MMP17: variants seen among roughly 807,000 people sequenced by gnomAD.
The protein encoded by MMP17 is matrix metalloproteinase-17.
MMP17 carries 54 observed loss-of-function variants against 49.1 expected under a neutral mutation model. That is an observed-to-expected ratio of 1.10 (90% CI 0.88 to 1.38). MMP17 has a LOEUF of 1.38. MMP17 is among the 40% of genes most tolerant of loss of function. The pLI is 0.00. For missense variants in MMP17, 837 were observed against 853.7 expected (o/e 0.98, Z 0.24); for synonymous variants, 397 against 383.1 (o/e 1.04, Z -0.42).
At chr12:131,850,813 G>A (rs539804003) in intron 9 of MMP17, 112 bp from the exon 10 acceptor site, 28 of 762,944 alleles carry the variant, frequency 3.7e-5, no homozygotes, top group Middle Eastern at 5.9e-4. Flanking sequence ...GGCCCGACTC[G>A]AGCCCCTTCC....
Position 131,828,664 on chromosome 12 carries a change from G to T in MMP17, c.159+11G>T. 1 of 386,514 alleles carries T rather than the reference G, an allele frequency of 2.6e-6. No individual in the cohort carries two copies. Among genetic ancestry groups the T allele is most frequent in the Non-Finnish European group, 3.8e-6 (1 of 264,046 alleles). 23.9% of individuals were successfully genotyped at this position (386,514 alleles called of 1,614,324 possible). The stretch of plus-strand genomic sequence containing the variant: ...CTCAGCCTGGGAGTGGTGAGCGCGC[G>T]GGCGGGACGGGCGCGGAGCTCCTGG... On this transcript the variant is annotated intron_variant, in intron 1 of 9. Coordinates refer to ENST00000360564, the MANE Select transcript of MMP17 (RefSeq NM_016155.7).
In MMP17 at chr12:131,851,554, G is replaced by A. The variant is rs113512489; in HGVS notation, c.*280G>A. 3,959 of 371,276 alleles carry A rather than the reference G, an allele frequency of 0.011. 128 individuals carry two copies. Among genetic ancestry groups the A allele is most frequent in the African/African-American group, 0.073 (3,519 of 48,236 alleles). 23.0% of individuals were successfully genotyped at this position (371,276 alleles called of 1,614,324 possible). A position where few individuals can be genotyped will look rare whatever the true frequency, so the allele number is the denominator to read the frequency against. ...GGCCGCACCGCCGCCAGCCTCCTCC[G>A]GCCCTGGAGGGAGCATCTCGGGCTG... On this transcript the variant is annotated 3_prime_UTR_variant, in exon 10 of 10. Coordinates refer to ENST00000360564, the MANE Select transcript of MMP17 (RefSeq NM_016155.7).
At chr12:131,833,064 G>A (rs1354215119) in intron 1 of MMP17, among the ~76,000 whole-genome samples, 1 of 152,238 alleles carries the variant, frequency 6.6e-6, no homozygotes, top group Non-Finnish European at 1.5e-5. Flanking sequence ...GCTGAGCTGA[G>A]GATACATGTC....
chr12:131,833,173 T>A (rs1174737783), intron 1 of MMP17, among the ~76,000 whole-genome samples: 1 of 152,250 alleles, frequency 6.6e-6, no homozygotes, highest in African/African-American at 2.4e-5. Flanking sequence ...GCACCTGCTT[T>A]GTGCCAGGCA....
Position 131,849,920 on chromosome 12 carries a change from C to T in MMP17, c.1323C>T (p.Asp441=), listed in dbSNP as rs905186004. The stretch of plus-strand genomic sequence containing the variant: ...CTGCCTTCTCCTGGGCCCACAATGA[C>T]AGGACTTATTTCTTTAAGGACCAGC... ...IDAAFSWAHN[D]RTYFFKDQLY... The change falls in exon 9 of 10, where the codon GAC becomes GAT. Residue 441 remains aspartate, a synonymous_variant. Coordinates refer to ENST00000360564, the MANE Select transcript of MMP17 (RefSeq NM_016155.7). The T allele has an allele frequency of 5.6e-6, 9 of 1,614,088 alleles. No individual in the cohort carries two copies. The South Asian group carries it at 9.9e-5, about 18-fold the overall frequency.
intron 1 of MMP17, among the ~76,000 whole-genome samples, chr12:131,835,161 A>G (rs576458303): frequency 6.6e-6 from 1 of 152,292 alleles, no homozygotes; most frequent in Non-Finnish European, 1.5e-5. Context: ...CAGCCCCCTG[A>G]GCACAAACTC....
At chr12:131,837,161 T>A (rs1887125035) in intron 1 of MMP17, among the ~76,000 whole-genome samples, 1 of 152,188 alleles carries the variant, frequency 6.6e-6, no homozygotes, top group African/African-American at 2.4e-5. Flanking sequence ...ATTTTCCACG[T>A]CCTGGCTCAC....
In MMP17 at chr12:131,843,302, G is replaced by A. The variant is rs1294610112; in HGVS notation, c.884-695G>A. 5.0e-5 allele frequency among the ~76,000 whole-genome samples: 7 copies of A among 140,608 alleles called. No individual in the cohort carries two copies. In the Admixed American group the frequency reaches 5.2e-4, roughly 10 times the overall value. The allele number at this position is 140,608 out of a possible 152,430, so 92.2% of individuals were successfully genotyped here. A position where few individuals can be genotyped will look rare whatever the true frequency, so the allele number is the denominator to read the frequency against. On this transcript the variant is annotated intron_variant, in intron 5 of 9. Coordinates refer to ENST00000360564, the MANE Select transcript of MMP17 (RefSeq NM_016155.7). ...TTTTTTTTTTTTTTTAGAGATGGGGGTCTCACTATGTGGCCCAGGCTTGTC... is the reference window on the plus strand; with the variant it reads ...TTTTTTTTTTTTTTTAGAGATGGGGATCTCACTATGTGGCCCAGGCTTGTC...
At position 131,851,210 on chromosome 12, in the gene MMP17, T is replaced by C. The variant is rs748010741; in HGVS notation, c.1748T>C (p.Leu583Pro). 19 of 1,454,250 alleles carry C rather than the reference T, an allele frequency of 1.3e-5. No homozygotes were observed. The highest frequency in any genetic ancestry group is 1.7e-5 in the Non-Finnish European group (19 of 1,101,176). 90.1% of individuals were successfully genotyped at this position (1,454,250 alleles called of 1,614,324 possible). A position where few individuals can be genotyped will look rare whatever the true frequency, so the allele number is the denominator to read the frequency against. The change falls in exon 10 of 10, where the codon CTG becomes CCG. Residue 583 changes from leucine (L) to proline (P), a missense_variant. By Grantham distance (98) the Leu-to-Pro change is moderately conservative (BLOSUM62 -3). Transcript: ENST00000360564. ...APGPLVAATMLLLLPPLSPGA... is the reference protein window; with the variant it reads ...APGPLVAATMPLLLPPLSPGA... ...GGCCCACTGGTGGCTGCCACCATGC[T>C]GCTGCTGCTGCCGCCACTGTCACCA...
intron 5 of MMP17, among the ~76,000 whole-genome samples, chr12:131,842,396 C>A (rs1887460365): frequency 6.6e-6 from 1 of 152,232 alleles, no homozygotes; most frequent in Non-Finnish European, 1.5e-5. Flanking sequence ...CCGGACCCTC[C>A]CGGCCTCAGC....
chr12:131,838,176 C>G lies in MMP17; in HGVS notation c.160-19C>G. 1 of 1,605,104 alleles carries G rather than the reference C, an allele frequency of 6.2e-7. No individual in the cohort carries two copies. Among genetic ancestry groups the G allele is most frequent in the South Asian group, 1.1e-5 (1 of 89,982 alleles). Reference sequence around the variant, plus strand: ...CCGGGCCCTCTGTTGCACCCCCTCACCCTGCTCTCTGCCCTCAGGAGTGGC... The same window carrying G: ...CCGGGCCCTCTGTTGCACCCCCTCAGCCTGCTCTCTGCCCTCAGGAGTGGC... On this transcript the variant is annotated intron_variant, in intron 1 of 9. Coordinates refer to ENST00000360564, the MANE Select transcript of MMP17 (RefSeq NM_016155.7).
intron 9 of MMP17, among the ~76,000 whole-genome samples, chr12:131,850,721 C>T (rs1887929130): frequency 6.6e-6 from 1 of 152,132 alleles, no homozygotes; most frequent in South Asian, 2.1e-4. Context: ...CTGGGCACCC[C>T]CTGCCATCTA....
In MMP17 at chr12:131,845,317, A is replaced by T. The variant is rs1887645281; in HGVS notation, c.1072A>T (p.Thr358Ser). The T allele has an allele frequency of 1.2e-6, 2 of 1,606,616 alleles. No homozygotes were observed. Among genetic ancestry groups the T allele is most frequent in the African/African-American group, 1.3e-5 (1 of 74,840 alleles). Residue 358 changes from threonine to serine, a missense_variant, in exon 8 of 10, where the codon ACG (threonine) becomes TCG (serine). Transcript: ENST00000360564. Reference sequence around the variant, plus strand: ...CCCAGGCAAGTACTTCTGGCGGCTGACGCGGGACCGGCACCTGGTGTCCCT... The same window carrying T: ...CCCAGGCAAGTACTTCTGGCGGCTGTCGCGGGACCGGCACCTGGTGTCCCT... ...FFKGKYFWRL[T>S]RDRHLVSLQP...
intron 4 of MMP17, 113 bp downstream of exon 4, chr12:131,840,969 G>T: frequency 7.8e-7 from 1 of 1,281,430 alleles, no homozygotes; most frequent in South Asian, 1.5e-5. Flanking sequence ...ACACGCGGCT[G>T]CTCCTGAGCA....
At chr12:131,844,916 C>A in intron 6 of MMP17, 11 of 428,500 alleles carry the variant, frequency 2.6e-5, no homozygotes, top group Non-Finnish European at 4.2e-5. Context: ...ATGCTCAGAG[C>A]GTAGATCTCG....
intron 5 of MMP17, among the ~76,000 whole-genome samples, chr12:131,842,521 C>T (rs1399122278): frequency 3.3e-5 from 5 of 152,292 alleles, no homozygotes; most frequent in Non-Finnish European, 7.4e-5. Context: ...TACCTGTAAT[C>T]CCGGCACTTT....
At position 131,847,625 on chromosome 12, in the gene MMP17, C is replaced by G. The variant is rs548299548; in HGVS notation, c.1204+2176C>G. 1.6e-3 allele frequency among the ~76,000 whole-genome samples: 243 copies of G among 152,354 alleles called. 1 individual carries two copies. Among genetic ancestry groups the G allele is most frequent in the African/African-American group, 5.6e-3 (232 of 41,588 alleles). On this transcript the variant is annotated intron_variant, in intron 8 of 9. Coordinates refer to ENST00000360564, the MANE Select transcript of MMP17 (RefSeq NM_016155.7). ...TTAGAAGTGTTCAGGCCGCTTCCCCCAGGTGGACCCGTCTGGCATCTCCTC... is the reference window on the plus strand; with the variant it reads ...TTAGAAGTGTTCAGGCCGCTTCCCCGAGGTGGACCCGTCTGGCATCTCCTC...
rs1048450351 is a variant in MMP17, at chr12:131,836,402, G to C, written c.160-1793G>C. 3.9e-5 allele frequency among the ~76,000 whole-genome samples: 6 copies of C among 152,142 alleles called. No homozygotes were observed. The East Asian group carries it at 1.2e-3, about 29-fold the overall frequency. ...GTTGGCCAGGACCACCCCATCACCA[G>C]CTCCTGCAGACCAGAACCTGGAGGC... is the stretch of plus-strand genomic sequence containing the variant. On this transcript the variant is annotated intron_variant, in intron 1 of 9. Coordinates refer to ENST00000360564, the MANE Select transcript of MMP17 (RefSeq NM_016155.7).
chr12:131,836,395 A>G (rs921383666), intron 1 of MMP17, among the ~76,000 whole-genome samples: 3 of 151,598 alleles, frequency 2.0e-5, no homozygotes, highest in African/African-American at 7.3e-5. Flanking sequence ...GGACCACCCC[A>G]TCACCAGCTC....
Sources: allele counts gnomAD v4.1 joint callset (sites outside exome capture counted in the v4.1 genomes callset), GRCh38; gene constraint gnomAD v4.1.1; transcripts MANE v1.5; gene names NCBI Gene and HGNC (gene_info 2026-07-23, HGNC 2026-07-21).